Variants in MSRB3 observed in about 807,000 individuals in gnomAD.
MSRB3 encodes the protein methionine-R-sulfoxide reductase B3.
Under a neutral mutation model 21.0 loss-of-function variants are expected in MSRB3, and 13 were observed. That is an observed-to-expected ratio of 0.62 (90% CI 0.40 to 0.98). The LOEUF is 0.98. Ranked by LOEUF, MSRB3 falls within the 50% of genes least tolerant of loss-of-function variation. MSRB3 has a pLI of 0.00. For missense variants in MSRB3, 199 were observed against 230.3 expected (o/e 0.86, Z 0.88); for synonymous variants, 87 against 88.6 (o/e 0.98, Z 0.10).
At chr12:65,302,298 A>G (rs1873382031) in intron 1 of MSRB3, among the ~76,000 whole-genome samples, 1 of 152,140 alleles carries the variant, frequency 6.6e-6, no homozygotes, top group Non-Finnish European at 1.5e-5. Flanking sequence ...GTCTTCCTTC[A>G]TACAGCTTCT....
chr12:65,368,931 C>T (rs948199158), intron 4 of MSRB3, 67 bp from the exon 5 acceptor site: 17 of 641,390 alleles, frequency 2.7e-5, no homozygotes, highest in South Asian at 2.5e-4. Flanking sequence ...ACACCCCCCC[C>T]CCCCATGAAA....
chr12:65,348,055 T>C (rs894342666), intron 4 of MSRB3, among the ~76,000 whole-genome samples: 2 of 152,192 alleles, frequency 1.3e-5, no homozygotes, highest in African/African-American at 4.8e-5. Flanking sequence ...TCTTTTTTTG[T>C]TGTGTCTCTG....
chr12:65,359,359 GC>G (rs1178565657), intron 4 of MSRB3, among the ~76,000 whole-genome samples: 1 of 151,962 alleles, frequency 6.6e-6, no homozygotes, highest in Non-Finnish European at 1.5e-5. Context: ...TCTAGAACTA[GC>G]CCGCTAGCCA....
At chr12:65,418,977 C>T in intron 5 of MSRB3, 1 of 708,828 alleles carries the variant, frequency 1.4e-6, no homozygotes, top group Non-Finnish European at 2.6e-6. Context: ...TCAACTCCAA[C>T]TCCAGGTGCA....
intron 4 of MSRB3, among the ~76,000 whole-genome samples, chr12:65,336,186 A>G (rs1055377291): frequency 6.6e-6 from 1 of 152,216 alleles, no homozygotes; most frequent in Non-Finnish European, 1.5e-5. Flanking sequence ...ATTGGAAGAA[A>G]AGGACTTGCT....
chr12:65,438,598 G>T (rs1353624930), intron 5 of MSRB3, among the ~76,000 whole-genome samples: 1 of 151,812 alleles, frequency 6.6e-6, no homozygotes, highest in East Asian at 1.9e-4. Flanking sequence ...TGCAATCCTG[G>T]AAAATAGAAA....
intron 5 of MSRB3, among the ~76,000 whole-genome samples, chr12:65,369,723 C>T (rs1430735306): frequency 6.6e-6 from 1 of 152,030 alleles, no homozygotes. Flanking sequence ...CAAAAATTGC[C>T]TCATATTTCA....
chr12:65,362,518 T>G (rs1221771908), intron 4 of MSRB3, among the ~76,000 whole-genome samples: 1 of 152,144 alleles, frequency 6.6e-6, no homozygotes, highest in East Asian at 1.9e-4. Context: ...GAATTCTGTT[T>G]TTAAGACAGG....
At chr12:65,343,463 G>T (rs887704065) in intron 4 of MSRB3, among the ~76,000 whole-genome samples, 2 of 151,964 alleles carry the variant, frequency 1.3e-5, no homozygotes, top group Admixed American at 6.6e-5. Context: ...ATCAATGAAG[G>T]GCGGGACACC....
intron 5 of MSRB3, among the ~76,000 whole-genome samples, chr12:65,421,854 T>C (rs560077225): frequency 6.6e-6 from 1 of 152,288 alleles, no homozygotes; most frequent in East Asian, 1.9e-4. Flanking sequence ...AACAACACAA[T>C]GACAGGATCA....
intron 5 of MSRB3, among the ~76,000 whole-genome samples, chr12:65,431,048 T>G (rs1001783516): frequency 6.6e-6 from 1 of 152,126 alleles, no homozygotes; most frequent in Non-Finnish European, 1.5e-5. Flanking sequence ...CTTCATTAGA[T>G]TACTTTAGTG....
At chr12:65,373,770 A>C (rs940895341) in intron 5 of MSRB3, among the ~76,000 whole-genome samples, 1 of 152,220 alleles carries the variant, frequency 6.6e-6, no homozygotes, top group Non-Finnish European at 1.5e-5. Flanking sequence ...GGAGATCCTA[A>C]AAGACATGAT....
chr12:65,301,260 C>T (rs1873315500), intron 1 of MSRB3, among the ~76,000 whole-genome samples: 1 of 151,790 alleles, frequency 6.6e-6, no homozygotes, highest in Admixed American at 6.6e-5. Context: ...TACGAAAATG[C>T]CTTGTAAATA....
At chr12:65,365,524 G>T (rs1877960657) in intron 4 of MSRB3, among the ~76,000 whole-genome samples, 1 of 152,150 alleles carries the variant, frequency 6.6e-6, no homozygotes, top group South Asian at 2.1e-4. Context: ...GCCATGCAGA[G>T]GAGTGGGCAC....
At chr12:65,367,779 G>A (rs1214476297) in intron 4 of MSRB3, among the ~76,000 whole-genome samples, 2 of 152,194 alleles carry the variant, frequency 1.3e-5, no homozygotes, top group Non-Finnish European at 2.9e-5. Context: ...GAGGACTATG[G>A]TAGGGCCAGG....
chr12:65,415,162 A>G (rs1880905644), intron 5 of MSRB3, among the ~76,000 whole-genome samples: 1 of 152,136 alleles, frequency 6.6e-6, no homozygotes, highest in Non-Finnish European at 1.5e-5. Context: ...TAGCTGTGAG[A>G]TAGGAGGAAA....
chr12:65,414,808 C>T (rs1880889911), intron 5 of MSRB3, among the ~76,000 whole-genome samples: 1 of 152,110 alleles, frequency 6.6e-6, no homozygotes. Flanking sequence ...TATGAAATTG[C>T]AGCAATTAAA....
chr12:65,321,314 A>T (rs1874647822), intron 2 of MSRB3, among the ~76,000 whole-genome samples: 1 of 152,124 alleles, frequency 6.6e-6, no homozygotes, highest in Admixed American at 6.6e-5. Context: ...GTACTCAATA[A>T]ATAATTATTG....
chr12:65,409,327 A>G (rs996048440), intron 5 of MSRB3, among the ~76,000 whole-genome samples: 1 of 152,096 alleles, frequency 6.6e-6, no homozygotes, highest in Non-Finnish European at 1.5e-5. Flanking sequence ...TGTGTAGCCT[A>G]CTACACACCT....
Sources: allele counts gnomAD v4.1 joint callset (sites outside exome capture counted in the v4.1 genomes callset), GRCh38; gene constraint gnomAD v4.1.1; transcripts MANE v1.5; gene names NCBI Gene and HGNC (gene_info 2026-07-23, HGNC 2026-07-21).